PRKCE: variants seen among roughly 807,000 people sequenced by gnomAD.
PRKCE encodes the protein protein kinase C epsilon type.
Under a neutral mutation model 85.4 loss-of-function variants are expected in PRKCE, and 16 were observed. That is an observed-to-expected ratio of 0.19 (90% CI 0.13 to 0.28). PRKCE has a LOEUF of 0.28. Among genes scored for constraint, PRKCE ranks in the 10% least tolerant of loss-of-function variants. The probability of loss-of-function intolerance (pLI) is 1.00; values close to 1 mark genes in which losing one functional copy is unlikely to be tolerated. For synonymous variants in PRKCE, 388 were observed against 371.5 expected (o/e 1.04, Z -0.51); for missense variants, 573 against 975.2 (o/e 0.59, Z 5.49).
intron 11 of PRKCE, among the ~76,000 whole-genome samples, chr2:46,144,460 C>T (rs908760876): frequency 6.6e-6 from 1 of 152,194 alleles, no homozygotes; most frequent in Non-Finnish European, 1.5e-5. Context: ...CTCCTCACTA[C>T]CTTTTGCATC....
chr2:45,880,994 A>C (rs535579555), intron 2 of PRKCE, among the ~76,000 whole-genome samples: 2 of 151,992 alleles, frequency 1.3e-5, no homozygotes, highest in Non-Finnish European at 2.9e-5. Context: ...TCTACTAAAA[A>C]TACAAAAAAT....
At chr2:45,884,085 A>T (rs964689379) in intron 2 of PRKCE, among the ~76,000 whole-genome samples, 15 of 152,292 alleles carry the variant, frequency 9.8e-5, no homozygotes, top group African/African-American at 3.6e-4. Context: ...CAGTTTTTAG[A>T]ATACTTGTTT....
chr2:46,134,627 C>T (rs957255526), intron 11 of PRKCE, among the ~76,000 whole-genome samples: 1 of 152,254 alleles, frequency 6.6e-6, no homozygotes, highest in Non-Finnish European at 1.5e-5. Flanking sequence ...CAGCTGCCTT[C>T]GCTTCCTGGA....
In PRKCE at chr2:45,652,377, G is replaced by A. The variant is rs1675163102; in HGVS notation, c.277G>A (p.Asp93Asn). The A allele has an allele frequency of 6.2e-7, 1 of 1,613,140 alleles. No homozygotes were observed. Among genetic ancestry groups the A allele is most frequent in the Non-Finnish European group, 8.5e-7 (1 of 1,180,036 alleles). Residue 93 changes from aspartate to asparagine, a missense_variant, in exon 1 of 15, where the codon GAC becomes AAC. This residue lies in a region of PRKCE where 100 missense variants were observed against 177.1 expected (regional missense o/e 0.56). Transcript: ENST00000306156. This position sits in a 1 kb window ranked among gnomAD's most constrained non-coding sequence, Gnocchi z 7.7. ...TCACGATGCCCCCATAGGCTACGAC[G>A]ACTTCGTGGCCAACTGCACCATCCA... ...VFHDAPIGYD[D>N]FVANCTIQFE... is the part of the protein sequence containing the mutation.
Position 45,865,096 on chromosome 2 carries a change from G to T in PRKCE, c.412+22033G>T, listed in dbSNP as rs535015462. 9.2e-5 allele frequency among the ~76,000 whole-genome samples: 14 copies of T among 152,330 alleles called. 1 individual carries two copies. In the South Asian group the frequency reaches 2.7e-3, roughly 29 times the overall value. On this transcript the variant is annotated intron_variant, in intron 2 of 14. Transcript: ENST00000306156. ...TCCATATAAGTTACCTGGGGAACTT[G>T]TTAAAATGCGGATTCTGAATCAGAA... is the stretch of plus-strand genomic sequence containing the variant.
intron 10 of PRKCE, among the ~76,000 whole-genome samples, chr2:46,049,199 G>A (rs1168574926): frequency 1.3e-5 from 2 of 152,054 alleles, no homozygotes; most frequent in African/African-American, 2.4e-5. Context: ...TTTCCTTAGC[G>A]CAACCCTCAT....
At chr2:45,651,517 AT>A (rs1288565577), upstream of PRKCE, 1 of 151,982 alleles carries the variant, frequency 6.6e-6, no homozygotes, top group East Asian at 2.0e-4. Context: ...TCCTCTCGAC[AT>A]GCATCCCTCC....
In PRKCE at chr2:46,184,705, A is replaced by C; in HGVS notation, c.2068-30A>C. On this transcript the variant is annotated intron_variant, in intron 14 of 14. Transcript: ENST00000306156. This position sits in a 1 kb window ranked among gnomAD's most constrained non-coding sequence, Gnocchi z 5.0. ...GGCCCTCAGGAGGGAGAGCAGCCTC[A>C]ACTCACCACTTTCTCTTTTCTTCCC... 1 of 1,596,984 alleles carries C rather than the reference A, an allele frequency of 6.3e-7. No homozygotes were observed. The highest frequency in any genetic ancestry group is 8.5e-7 in the Non-Finnish European group (1 of 1,178,550).
intron 1 of PRKCE, among the ~76,000 whole-genome samples, chr2:45,717,865 C>A (rs771539592): frequency 6.6e-6 from 1 of 152,158 alleles, no homozygotes; most frequent in East Asian, 1.9e-4. Context: ...TCCAGTATCA[C>A]GGGTCTACTC....
chr2:45,847,603 A>G (rs1691901445), intron 2 of PRKCE, among the ~76,000 whole-genome samples: 1 of 152,152 alleles, frequency 6.6e-6, no homozygotes, highest in Non-Finnish European at 1.5e-5. Flanking sequence ...GAGAGGTCAG[A>G]TGATGTGCTC....
chr2:45,733,946 G>A (rs549375462), intron 1 of PRKCE, among the ~76,000 whole-genome samples: 1 of 152,294 alleles, frequency 6.6e-6, no homozygotes, highest in Admixed American at 6.5e-5. Context: ...GGTGGTCTTA[G>A]CTTCAAGGAA....
intron 2 of PRKCE, among the ~76,000 whole-genome samples, chr2:45,951,760 A>C (rs1447139582): frequency 6.6e-6 from 1 of 152,254 alleles, no homozygotes; most frequent in Non-Finnish European, 1.5e-5. Context: ...GCTGGATCAA[A>C]GCACGAGTGA....
At chr2:45,858,293 A>T (rs1692842843) in intron 2 of PRKCE, among the ~76,000 whole-genome samples, 1 of 152,140 alleles carries the variant, frequency 6.6e-6, no homozygotes, top group African/African-American at 2.4e-5. Context: ...ACATAAATCA[A>T]ACCAGCGTCT....
intron 2 of PRKCE, among the ~76,000 whole-genome samples, chr2:45,944,410 TAC>T (rs774333507): frequency 1.5e-3 from 231 of 152,344 alleles, no homozygotes; most frequent in Non-Finnish European, 2.7e-3. Flanking sequence ...TATGCTGGTA[TAC>T]AGTTTTCAAA....
intron 2 of PRKCE, among the ~76,000 whole-genome samples, chr2:45,894,317 T>C (rs1164075312): frequency 6.6e-6 from 1 of 151,838 alleles, no homozygotes; most frequent in East Asian, 1.9e-4. Context: ...CTGATTACTT[T>C]GAGCAATGAA....
intron 10 of PRKCE, among the ~76,000 whole-genome samples, chr2:46,081,710 G>T (rs1396871794): frequency 6.6e-6 from 1 of 152,230 alleles, no homozygotes; most frequent in Non-Finnish European, 1.5e-5. Flanking sequence ...GCGACAGCTG[G>T]AAAGGAGAAG....
At chr2:46,052,798 A>T (rs936401986) in intron 10 of PRKCE, among the ~76,000 whole-genome samples, 1 of 152,258 alleles carries the variant, frequency 6.6e-6, no homozygotes, top group African/African-American at 2.4e-5. Context: ...TGGAATAAGC[A>T]CAGGACATAT....
At chr2:45,944,995 T>A (rs1454530421) in intron 2 of PRKCE, among the ~76,000 whole-genome samples, 5 of 152,112 alleles carry the variant, frequency 3.3e-5, no homozygotes, top group Admixed American at 3.3e-4. Flanking sequence ...CAGTAATGCT[T>A]CTTCCACTTC....
intron 11 of PRKCE, among the ~76,000 whole-genome samples, chr2:46,094,653 G>A (rs773820395): frequency 4.6e-5 from 7 of 152,048 alleles, no homozygotes; most frequent in Non-Finnish European, 7.4e-5. Context: ...GGTGGGGAGA[G>A]GGAGAGCATC....
Sources: allele counts gnomAD v4.1 joint callset (sites outside exome capture counted in the v4.1 genomes callset), GRCh38; gene constraint gnomAD v4.1.1; regional missense constraint gnomAD v4.1.1; non-coding constraint Gnocchi (gnomAD v3.1); transcripts MANE v1.5; gene names NCBI Gene and HGNC (gene_info 2026-07-23, HGNC 2026-07-21).